SYNJ2: variants seen among roughly 807,000 people sequenced by gnomAD.
The protein encoded by SYNJ2 is synaptojanin 2.
Under a neutral mutation model 141.3 loss-of-function variants are expected in SYNJ2, and 116 were observed. The observed-to-expected ratio is 0.82, with a 90% CI of 0.71 to 0.96. The LOEUF is 0.96. Ranked by LOEUF, SYNJ2 falls within the 40% of genes least tolerant of loss-of-function variation. SYNJ2 has a pLI of 0.00. For synonymous variants in SYNJ2, 745 were observed against 777.7 expected (o/e 0.96, Z 0.70); for missense variants, 1,873 against 1,934.8 (o/e 0.97, Z 0.60).
intron 1 of SYNJ2, among the ~76,000 whole-genome samples, chr6:157,989,228 C>T (rs1334523504): frequency 6.6e-6 from 1 of 151,912 alleles, no homozygotes; most frequent in African/African-American, 2.4e-5. Flanking sequence ...TGTTTACCAC[C>T]TACCAGGTGC....
intron 4 of SYNJ2, among the ~76,000 whole-genome samples, chr6:158,039,009 A>G (rs955406792): frequency 6.6e-6 from 1 of 152,212 alleles, no homozygotes; most frequent in African/African-American, 2.4e-5. Context: ...CCAAGCCAAA[A>G]AACACAGGTG....
At chr6:158,047,774 C>CAAAAAAAAAAAAAAAAAA (rs58147972) in intron 5 of SYNJ2, among the ~76,000 whole-genome samples, 6 of 32,384 alleles carry the variant, frequency 1.9e-4, no homozygotes, top group African/African-American at 2.7e-4. Flanking sequence ...GCGACTCTGT[C>CAAAAAAAAAAAAAAAAAA]AAAAAAAAAA....
At chr6:158,075,407 G>A (rs1241318670) in intron 16 of SYNJ2, among the ~76,000 whole-genome samples, 2 of 151,808 alleles carry the variant, frequency 1.3e-5, no homozygotes, top group Admixed American at 6.6e-5. Context: ...TTGGGAGGCC[G>A]AGGCGTGCGG....
At chr6:158,041,885 A>G (rs183768577) in intron 4 of SYNJ2, among the ~76,000 whole-genome samples, 1 of 152,118 alleles carries the variant, frequency 6.6e-6, no homozygotes, top group Admixed American at 6.5e-5. Context: ...ACTTTTTAAA[A>G]ATTGTTTTGG....
chr6:158,044,618 A>G (rs1249616413), intron 5 of SYNJ2, among the ~76,000 whole-genome samples: 2 of 152,226 alleles, frequency 1.3e-5, no homozygotes, highest in Non-Finnish European at 2.9e-5. Context: ...GCTTTATTGC[A>G]ATATAACTTA....
chr6:158,024,925 A>G (rs1343249894), intron 2 of SYNJ2, among the ~76,000 whole-genome samples: 1 of 152,202 alleles, frequency 6.6e-6, no homozygotes, highest in Non-Finnish European at 1.5e-5. Context: ...AATATTTAGA[A>G]TACACTGCAC....
intron 1 of SYNJ2, among the ~76,000 whole-genome samples, chr6:158,008,004 C>T (rs1432248371): frequency 6.6e-6 from 1 of 152,070 alleles, no homozygotes; most frequent in Non-Finnish European, 1.5e-5. Flanking sequence ...GTTGCCCAGT[C>T]TTGTCTTGAA....
chr6:158,019,539 G>A (rs768688067), intron 2 of SYNJ2, among the ~76,000 whole-genome samples: 1 of 152,174 alleles, frequency 6.6e-6, no homozygotes, highest in Non-Finnish European at 1.5e-5. Context: ...GGTCTAATGG[G>A]GCAGGGAGTG....
At chr6:158,087,976 A>G (rs1783172669) in intron 23 of SYNJ2, among the ~76,000 whole-genome samples, 1 of 126,306 alleles carries the variant, frequency 7.9e-6, no homozygotes, top group African/African-American at 2.7e-5. Context: ...GAATGTTCTA[A>G]AACATGATTT....
intron 6 of SYNJ2, among the ~76,000 whole-genome samples, chr6:158,058,279 G>C (rs979482848): frequency 1.3e-5 from 2 of 152,106 alleles, no homozygotes; most frequent in African/African-American, 4.8e-5. Context: ...TTTGACATCT[G>C]CTTTTTGCAT....
In SYNJ2 at chr6:158,043,890, C is replaced by T. The variant is rs529939071; in HGVS notation, c.795+491C>T. On this transcript the variant is annotated intron_variant, in intron 5 of 26. Coordinates refer to ENST00000355585, the MANE Select transcript of SYNJ2 (RefSeq NM_003898.4). The surrounding 1 kb of genome is among the most constrained non-coding windows in gnomAD (Gnocchi z 4.0). ...CGTGATTTCTAAAAATACCCCTTGC[C>T]GTCCAAAGCAGGGCTCTGGTCAGTG... 2.6e-5 allele frequency among the ~76,000 whole-genome samples: 4 copies of T among 152,298 alleles called. No homozygotes were observed. Among genetic ancestry groups the T allele is most frequent in the East Asian group, 3.9e-4 (2 of 5,184 alleles).
chr6:157,990,335 TCTC>T (rs1403287593), intron 1 of SYNJ2, among the ~76,000 whole-genome samples: 2 of 143,320 alleles, frequency 1.4e-5, no homozygotes, highest in Non-Finnish European at 2.9e-5. Flanking sequence ...CATGCCTTCT[TCTC>T]CTTCTCCTTG....
At chr6:158,073,905 T>G (rs1333484663) in intron 15 of SYNJ2, among the ~76,000 whole-genome samples, 1 of 148,782 alleles carries the variant, frequency 6.7e-6, no homozygotes, top group Admixed American at 6.6e-5. Flanking sequence ...AACTTTGTTT[T>G]TTTTTTTTTA....
intron 11 of SYNJ2, among the ~76,000 whole-genome samples, chr6:158,065,734 G>A (rs1193703028): frequency 6.6e-6 from 1 of 152,190 alleles, no homozygotes; most frequent in African/African-American, 2.4e-5. Flanking sequence ...CTTCCGATAG[G>A]CACGGTGATA....
Position 158,040,011 on chromosome 6 carries a change from G to A in SYNJ2, c.712-3305G>A, listed in dbSNP as rs1199732964. On this transcript the variant is annotated intron_variant, in intron 4 of 26. Transcript: ENST00000355585. The surrounding 1 kb of genome is among the most constrained non-coding windows in gnomAD (Gnocchi z 4.2). ...CGGACCAGGAGCAGACTGGCTCCCT[G>A]TGGTGGGGACTCTTGGCAGGCGGAT... Among the ~76,000 whole-genome samples, 1 of 152,208 alleles carries A rather than the reference G, an allele frequency of 6.6e-6. No individual in the cohort carries two copies. Among genetic ancestry groups the A allele is most frequent in the Admixed American group, 6.5e-5 (1 of 15,286 alleles).
chr6:158,038,876 G>C (rs372559172), intron 4 of SYNJ2, among the ~76,000 whole-genome samples: 94 of 152,240 alleles, frequency 6.2e-4, no homozygotes, highest in Non-Finnish European at 1.3e-3. Context: ...TGTGCTGCGC[G>C]CAGCCCAGGA....
intron 5 of SYNJ2, among the ~76,000 whole-genome samples, chr6:158,045,552 G>C (rs1780194058): frequency 6.6e-6 from 1 of 152,108 alleles, no homozygotes; most frequent in African/African-American, 2.4e-5. Context: ...GGGTGCGCGG[G>C]AATATGTCTG....
intron 25 of SYNJ2, 85 bp from the exon 26 acceptor site, chr6:158,092,841 C>T: frequency 1.6e-6 from 2 of 1,259,532 alleles, no homozygotes; most frequent in Non-Finnish European, 2.2e-6. Flanking sequence ...GTAAATGACA[C>T]TTAGGATGTA....
chr6:158,034,491 G>A (rs1446397937), intron 4 of SYNJ2, among the ~76,000 whole-genome samples: 1 of 152,200 alleles, frequency 6.6e-6, no homozygotes, highest in African/African-American at 2.4e-5. Context: ...TAATCCAGCA[G>A]AGGTTTGAGC....
Sources: gnomAD v4.1 joint callset for allele counts (sites outside exome capture counted in the v4.1 genomes callset) on GRCh38, gnomAD v4.1.1 for gene constraint, Gnocchi (gnomAD v3.1) non-coding constraint, MANE v1.5 for transcripts, NCBI Gene and HGNC (gene_info 2026-07-23, HGNC 2026-07-21) for gene names.